Variants in ZDHHC15 observed in about 807,000 individuals in gnomAD.
ZDHHC15 encodes palmitoyltransferase ZDHHC15.
A neutral mutation model predicts 31.7 loss-of-function variants in ZDHHC15; 19 were observed. The ratio of observed to expected loss-of-function variants is 0.60; its 90% CI spans 0.42 to 0.88. ZDHHC15 has a LOEUF of 0.88. ZDHHC15 is among the 40% of genes least tolerant of loss of function. The pLI is 0.00. For missense variants in ZDHHC15, 209 were observed against 251.2 expected (o/e 0.83, Z 1.14); for synonymous variants, 103 against 90.0 (o/e 1.14, Z -0.82).
At chrX:75,520,309 T>C (rs2085424822) in intron 1 of ZDHHC15, among the ~76,000 whole-genome samples, 1 of 111,830 alleles carries the variant, frequency 8.9e-6, no homozygotes. Flanking sequence ...GAAGGCCAAT[T>C]ATTTGCAGTA....
Position 75,451,458 on chromosome X carries a change from T to C in ZDHHC15, c.259-536A>G, listed in dbSNP as rs749818137. 2.7e-5 allele frequency among the ~76,000 whole-genome samples: 3 copies of C among 112,654 alleles called. No individual in the cohort carries two copies. In the South Asian group the frequency reaches 1.1e-3, roughly 41 times the overall value. On this transcript the variant is annotated intron_variant, in intron 3 of 11. Transcript: ENST00000373367. ...AAATTTAGATATTCTCACTATTGAA[T>C]ACTTTTTTAGTCTCGTATGGAGCTT... is the stretch of plus-strand genomic sequence containing the variant.
At chrX:75,516,941 T>C (rs1016702531) in intron 1 of ZDHHC15, among the ~76,000 whole-genome samples, 5 of 112,042 alleles carry the variant, frequency 4.5e-5, no homozygotes, top group Admixed American at 9.4e-5. Flanking sequence ...TGAACAGACA[T>C]TTCTCAAAAG....
chrX:75,401,637 A>T (rs1177248217), intron 10 of ZDHHC15, among the ~76,000 whole-genome samples: 1 of 112,330 alleles, frequency 8.9e-6, no homozygotes, highest in Non-Finnish European at 1.9e-5. Context: ...ATAAAAAAAG[A>T]CAAGGAAGGG....
chrX:75,516,196 G>T (rs1279776417), intron 1 of ZDHHC15, among the ~76,000 whole-genome samples: 2 of 111,717 alleles, frequency 1.8e-5, no homozygotes. Context: ...TCCCCATCGA[G>T]CTACCAATGA....
chrX:75,378,110 C>T (rs890586460), intron 11 of ZDHHC15, among the ~76,000 whole-genome samples: 1 of 111,766 alleles, frequency 8.9e-6, no homozygotes, highest in Non-Finnish European at 1.9e-5. Flanking sequence ...AAAGACACAT[C>T]ACAAATAACT....
chrX:75,500,329 C>T (rs6647138), intron 2 of ZDHHC15, among the ~76,000 whole-genome samples: 1 of 109,322 alleles, frequency 9.1e-6, no homozygotes, highest in Admixed American at 9.9e-5. Context: ...CTATGAAATA[C>T]TCGGAGATCA....
intron 10 of ZDHHC15, among the ~76,000 whole-genome samples, chrX:75,397,335 AAAATTGTTAGAATAAAC>A (rs1437490155): frequency 9.1e-6 from 1 of 109,922 alleles, no homozygotes; most frequent in African/African-American, 3.3e-5. Flanking sequence ...TCAAAAAAAA[AAAATTGTTAGAATAAAC>A]AAGATTTAGT....
At chrX:75,433,546 T>C (rs2083807595) in intron 4 of ZDHHC15, among the ~76,000 whole-genome samples, 1 of 110,325 alleles carries the variant, frequency 9.1e-6, no homozygotes, top group African/African-American at 3.3e-5. Context: ...TTTCCACTCC[T>C]GAGTTACTTT....
chrX:75,426,969 T>C (rs903759622), intron 7 of ZDHHC15, among the ~76,000 whole-genome samples: 1 of 111,668 alleles, frequency 9.0e-6, no homozygotes, highest in Non-Finnish European at 1.9e-5. Flanking sequence ...AGGGTTGTGG[T>C]AAGGATCAGA....
intron 2 of ZDHHC15, among the ~76,000 whole-genome samples, chrX:75,493,686 T>C (rs1179798064): frequency 8.9e-6 from 1 of 112,120 alleles, no homozygotes; most frequent in Non-Finnish European, 1.9e-5. Context: ...AAAAACCATA[T>C]GATTATCTCA....
intron 10 of ZDHHC15, among the ~76,000 whole-genome samples, chrX:75,402,718 A>G (rs2083370403): frequency 9.0e-6 from 1 of 111,546 alleles, no homozygotes; most frequent in Non-Finnish European, 1.9e-5. Flanking sequence ...ACCAAGAATG[A>G]GCTCCAAAAT....
At chrX:75,422,282 G>T (rs1252395996) in intron 8 of ZDHHC15, among the ~76,000 whole-genome samples, 1 of 111,828 alleles carries the variant, frequency 8.9e-6, no homozygotes, top group Non-Finnish European at 1.9e-5. Context: ...CACGGGGGTA[G>T]TATGTATTTT....
intron 10 of ZDHHC15, among the ~76,000 whole-genome samples, chrX:75,407,493 G>A (rs1313070955): frequency 9.3e-6 from 1 of 107,269 alleles, no homozygotes; most frequent in Non-Finnish European, 2.0e-5. Flanking sequence ...CGCCCCGTCC[G>A]GGAGGGAGGT....
chrX:75,495,122 A>T (rs1296238389), intron 2 of ZDHHC15, among the ~76,000 whole-genome samples: 1 of 112,092 alleles, frequency 8.9e-6, no homozygotes, highest in Non-Finnish European at 1.9e-5. Context: ...TGGGCAAAGG[A>T]TTTGAATAGC....
chrX:75,469,053 CTT>C (rs139692885), intron 3 of ZDHHC15, among the ~76,000 whole-genome samples: 8 of 106,447 alleles, frequency 7.5e-5, no homozygotes, highest in Non-Finnish European at 1.4e-4. Flanking sequence ...GTACAAAAGG[CTT>C]TTTTTTTTAA....
chrX:75,482,644 C>T (rs1190753737), intron 2 of ZDHHC15, among the ~76,000 whole-genome samples: 4 of 111,522 alleles, frequency 3.6e-5, no homozygotes, highest in African/African-American at 1.3e-4. Flanking sequence ...CAAAGCAGGG[C>T]TTCATATTAG....
intron 1 of ZDHHC15, among the ~76,000 whole-genome samples, chrX:75,521,063 C>A (rs2085434812): frequency 9.1e-6 from 1 of 110,407 alleles, no homozygotes; most frequent in Non-Finnish European, 1.9e-5. Flanking sequence ...AAAGCAGCAT[C>A]CTTACCATCA....
chrX:75,474,706 A>G (rs1027266663), intron 3 of ZDHHC15, among the ~76,000 whole-genome samples: 45 of 108,541 alleles, frequency 4.1e-4, no homozygotes, highest in Non-Finnish European at 5.1e-4. Flanking sequence ...CCATTTTAAA[A>G]CTGATCTGCA....
At chrX:75,377,529 T>G (rs1196219251) in intron 11 of ZDHHC15, among the ~76,000 whole-genome samples, 1 of 110,362 alleles carries the variant, frequency 9.1e-6, no homozygotes, top group African/African-American at 3.3e-5. Context: ...ATATATGAGT[T>G]TGTGATTTCC....
Sources: gnomAD v4.1 joint callset for allele counts (sites outside exome capture counted in the v4.1 genomes callset) on GRCh38, gnomAD v4.1.1 for gene constraint, MANE v1.5 for transcripts, NCBI Gene and HGNC (gene_info 2026-07-23, HGNC 2026-07-21) for gene names.